Variants in RALYL observed in about 807,000 individuals in gnomAD.
RALYL encodes the protein RNA-binding Raly-like protein.
A neutral mutation model predicts 35.1 loss-of-function variants in RALYL; 29 were observed. The observed-to-expected ratio is 0.83, with a 90% CI of 0.61 to 1.13. The LOEUF (loss-of-function observed/expected upper bound fraction) is 1.13. RALYL is among the 50% of genes most tolerant of loss of function. RALYL has a pLI of 0.00. For missense variants in RALYL, 359 were observed against 360.4 expected (o/e 1.00, Z 0.03); for synonymous variants, 120 against 127.6 (o/e 0.94, Z 0.40).
chr8:84,186,737 A>T (rs781121736), intron 1 of RALYL, among the ~76,000 whole-genome samples: 15 of 152,148 alleles, frequency 9.9e-5, no homozygotes, highest in Non-Finnish European at 2.1e-4. Flanking sequence ...ACCTTTAGTT[A>T]TCTATGTTTT....
At chr8:84,339,498 G>T (rs542221334) in intron 1 of RALYL, among the ~76,000 whole-genome samples, 2 of 151,890 alleles carry the variant, frequency 1.3e-5, no homozygotes, top group African/African-American at 2.4e-5. Flanking sequence ...CCATCTAGTT[G>T]CAGGAAAACA....
chr8:84,500,044 A>G (rs896854916), intron 1 of RALYL, among the ~76,000 whole-genome samples: 2 of 152,180 alleles, frequency 1.3e-5, no homozygotes, highest in Non-Finnish European at 2.9e-5. Flanking sequence ...AGCATGAGCC[A>G]CTGTGCCTGG....
At chr8:84,553,264 G>T (rs1167291559) in intron 2 of RALYL, among the ~76,000 whole-genome samples, 1 of 152,088 alleles carries the variant, frequency 6.6e-6, no homozygotes, top group South Asian at 2.1e-4. Context: ...TGGGCTCGAA[G>T]GATCTTCCTG....
At chr8:84,432,166 A>G (rs2047214500) in intron 1 of RALYL, among the ~76,000 whole-genome samples, 1 of 152,200 alleles carries the variant, frequency 6.6e-6, no homozygotes, top group Non-Finnish European at 1.5e-5. Flanking sequence ...TAGCTAAAAC[A>G]TGAGGTATAA....
At chr8:84,828,248 A>T (rs141224770) in intron 4 of RALYL, among the ~76,000 whole-genome samples, 2,591 of 152,340 alleles carry the variant, frequency 0.017, 70 homozygotes, top group African/African-American at 0.058. Context: ...CAGATAGCAG[A>T]TACAGAACTC....
chr8:84,899,016 G>A (rs1845223813), intron 8 of RALYL, among the ~76,000 whole-genome samples: 1 of 152,140 alleles, frequency 6.6e-6, no homozygotes, highest in Non-Finnish European at 1.5e-5. Flanking sequence ...TCTAGCATTT[G>A]TATGGGGATG....
intron 2 of RALYL, among the ~76,000 whole-genome samples, chr8:84,757,207 G>A (rs1178218809): frequency 6.6e-6 from 1 of 151,960 alleles, no homozygotes; most frequent in African/African-American, 2.4e-5. Flanking sequence ...TTAAACTCAG[G>A]CCTGATATGA....
chr8:84,433,413 T>C (rs1254909424), intron 1 of RALYL, among the ~76,000 whole-genome samples: 1 of 152,176 alleles, frequency 6.6e-6, no homozygotes, highest in Non-Finnish European at 1.5e-5. Context: ...TATAGTTTTG[T>C]AACATAGCAC....
chr8:84,213,413 G>A (rs73295630), intron 1 of RALYL, among the ~76,000 whole-genome samples: 3,927 of 152,002 alleles, frequency 0.026, 175 homozygotes, highest in African/African-American at 0.087. Context: ...ACAAATAAAT[G>A]AATAAATTTT....
intron 1 of RALYL, among the ~76,000 whole-genome samples, chr8:84,300,464 A>C (rs944217165): frequency 1.3e-5 from 2 of 151,964 alleles, no homozygotes; most frequent in Admixed American, 1.3e-4. Flanking sequence ...CCATTTGGTC[A>C]AGTGTCAAGT....
intron 2 of RALYL, among the ~76,000 whole-genome samples, chr8:84,682,047 G>A (rs955362691): frequency 6.6e-6 from 1 of 152,302 alleles, no homozygotes; most frequent in Non-Finnish European, 1.5e-5. Context: ...TTTTTAGCAT[G>A]AAGGGCTGTT....
intron 7 of RALYL, among the ~76,000 whole-genome samples, chr8:84,882,517 C>T (rs1223149812): frequency 6.6e-6 from 1 of 151,940 alleles, no homozygotes; most frequent in Non-Finnish European, 1.5e-5. Flanking sequence ...ATTTTTGTTA[C>T]CATGGTGTGC....
intron 2 of RALYL, among the ~76,000 whole-genome samples, chr8:84,718,488 G>C (rs1390596340): frequency 1.3e-5 from 2 of 152,116 alleles, no homozygotes; most frequent in Non-Finnish European, 2.9e-5. Context: ...CTCTGGCCGG[G>C]CGCGGTGGCT....
At chr8:84,382,345 C>T (rs947614125) in intron 1 of RALYL, among the ~76,000 whole-genome samples, 1 of 151,332 alleles carries the variant, frequency 6.6e-6, no homozygotes, top group Admixed American at 6.6e-5. Context: ...GTTTAACACT[C>T]TCAAATAAAT....
intron 6 of RALYL, among the ~76,000 whole-genome samples, chr8:84,866,855 G>A (rs1039014863): frequency 2.0e-5 from 3 of 152,110 alleles, no homozygotes; most frequent in Non-Finnish European, 2.9e-5. Context: ...GAGTATTGAA[G>A]GGTTCAGATT....
At chr8:84,186,053 A>G (rs1048492067) in intron 1 of RALYL, among the ~76,000 whole-genome samples, 2 of 152,186 alleles carry the variant, frequency 1.3e-5, no homozygotes, top group African/African-American at 2.4e-5. Context: ...TGGACATTTC[A>G]TTGTATTTCC....
intron 8 of RALYL, among the ~76,000 whole-genome samples, chr8:84,903,823 G>A (rs1587110081): frequency 1.3e-5 from 2 of 152,246 alleles, no homozygotes; most frequent in Admixed American, 1.3e-4. Context: ...AAGGGCAAAA[G>A]CTATTGGAAA....
At chr8:84,251,628 T>C (rs2131678497) in intron 1 of RALYL, among the ~76,000 whole-genome samples, 1 of 152,228 alleles carries the variant, frequency 6.6e-6, no homozygotes, top group South Asian at 2.1e-4. Flanking sequence ...CTTACCTTTG[T>C]ATGACATTTT....
intron 2 of RALYL, among the ~76,000 whole-genome samples, chr8:84,633,581 C>T (rs900393282): frequency 4.6e-5 from 7 of 151,752 alleles, no homozygotes; most frequent in Admixed American, 6.6e-5. Context: ...ACAAATCAGA[C>T]GTGTTTAAAG....
Sources: allele counts gnomAD v4.1 joint callset (sites outside exome capture counted in the v4.1 genomes callset), GRCh38; gene constraint gnomAD v4.1.1; transcripts MANE v1.5; gene names NCBI Gene and HGNC (gene_info 2026-07-23, HGNC 2026-07-21).